RASGEF1B: variants seen among roughly 807,000 people sequenced by gnomAD.
RASGEF1B encodes ras-GEF domain-containing family member 1B.
A neutral mutation model predicts 65.7 loss-of-function variants in RASGEF1B; 30 were observed. That is an observed-to-expected ratio of 0.46 (90% CI 0.34 to 0.62). The LOEUF is 0.62. Ranked by LOEUF, RASGEF1B falls within the 20% of genes least tolerant of loss-of-function variation. The probability of loss-of-function intolerance (pLI) is 0.01; values close to 1 mark genes in which losing one functional copy is unlikely to be tolerated. For missense variants in RASGEF1B, 495 were observed against 580.1 expected, an observed-to-expected ratio of 0.85 and a Z score of 1.51; for synonymous variants, 175 against 194.8, an observed-to-expected ratio of 0.90 and a Z score of 0.85.
chr4:81,434,330 C>T (rs772580513), intron 11 of RASGEF1B, among the ~76,000 whole-genome samples: 3 of 152,136 alleles, frequency 2.0e-5, no homozygotes, highest in Non-Finnish European at 4.4e-5. Context: ...GTATTACAGG[C>T]GTGAGCTACT....
chr4:81,430,911 T>A (rs944239271), intron 13 of RASGEF1B, among the ~76,000 whole-genome samples: 2 of 152,214 alleles, frequency 1.3e-5, no homozygotes, highest in East Asian at 3.8e-4. Context: ...ATATCATTTA[T>A]GTGTAGCCAA....
chr4:81,461,574 A>G (rs1403997592), intron 1 of RASGEF1B, among the ~76,000 whole-genome samples: 1 of 152,218 alleles, frequency 6.6e-6, no homozygotes, highest in Non-Finnish European at 1.5e-5. Flanking sequence ...AAATATTCAA[A>G]GGAACCACAG....
At chr4:81,469,988 A>C (rs954735246) in intron 1 of RASGEF1B, among the ~76,000 whole-genome samples, 1 of 152,208 alleles carries the variant, frequency 6.6e-6, no homozygotes, top group African/African-American at 2.4e-5. Context: ...AAGAATGCCA[A>C]CAAGAAACTT....
chr4:81,446,185 G>A (rs1167342841), intron 6 of RASGEF1B, among the ~76,000 whole-genome samples: 1 of 152,198 alleles, frequency 6.6e-6, no homozygotes, highest in Non-Finnish European at 1.5e-5. Context: ...GATCAGCCTG[G>A]CTAACATGGT....
chr4:81,433,228 T>TAA (rs368117891), intron 12 of RASGEF1B, among the ~76,000 whole-genome samples: 24 of 133,938 alleles, frequency 1.8e-4, no homozygotes, highest in African/African-American at 5.7e-4. Context: ...GTTGCTGTCT[T>TAA]AAAAAAAAAA....
intron 8 of RASGEF1B, among the ~76,000 whole-genome samples, chr4:81,444,546 CCTTT>C (rs1018908451): frequency 3.4e-4 from 52 of 151,992 alleles, no homozygotes; most frequent in African/African-American, 1.1e-3. Context: ...TCTTCTTCTT[CCTTT>C]TTTTTTAGAC....
chr4:81,430,464 T>A (rs1342867744), intron 13 of RASGEF1B, among the ~76,000 whole-genome samples: 1 of 152,154 alleles, frequency 6.6e-6, no homozygotes, highest in African/African-American at 2.4e-5. Flanking sequence ...CACCTATAGA[T>A]GGCAAAATAA....
chr4:81,443,236 C>A lies in RASGEF1B; in HGVS notation c.929-860G>T, dbSNP rs1721905694. 3.9e-5 allele frequency among the ~76,000 whole-genome samples: 6 copies of A among 152,300 alleles called. No individual in the cohort carries two copies. The South Asian group carries it at 1.2e-3, about 32-fold the overall frequency. On this transcript the variant is annotated intron_variant, in intron 8 of 13. Coordinates refer to ENST00000264400, the MANE Select transcript of RASGEF1B (RefSeq NM_152545.3). ...AATGAGTACGTATATTAATTCCATG[C>A]CACCAACATTCATATTTTAAGGACC... is the stretch of plus-strand genomic sequence containing the variant.
At chr4:81,442,461 C>T (rs1721874715) in intron 8 of RASGEF1B, 85 bp from the exon 9 acceptor site, 7 of 765,820 alleles carry the variant, frequency 9.1e-6, no homozygotes, top group South Asian at 6.0e-5. Flanking sequence ...TTCTAAAATA[C>T]TTTCATTACT....
At position 81,457,569 on chromosome 4, in the gene RASGEF1B, T is replaced by C. The variant is rs1341652843; in HGVS notation, c.230A>G (p.Tyr77Cys). The part of the protein sequence containing the change: ...LLSSRLFMHP[Y>C]ELMAKVCHLC... ...GTGGCAAACTTTGGCCATTAGCTCA[T>C]ACGGATGCATAAATAACCGAGAACT... is the stretch of plus-strand genomic sequence containing the variant. The change falls in exon 3 of 14, where the codon TAT (tyrosine) becomes TGT (cysteine). Residue 77 changes from tyrosine (Y) to cysteine (C), a missense_variant. Transcript: ENST00000264400. The C allele has an allele frequency of 2.1e-5, 34 of 1,613,996 alleles. No homozygotes were observed. Among genetic ancestry groups the C allele is most frequent in the Non-Finnish European group, 2.7e-5 (32 of 1,179,990 alleles).
At position 81,445,682 on chromosome 4, in the gene RASGEF1B, T is replaced by C. The variant is rs566711497; in HGVS notation, c.826-54A>G. 5.0e-6 allele frequency: 8 copies of C among 1,586,802 alleles called. No individual in the cohort carries two copies. In the African/African-American group the frequency reaches 6.7e-5, roughly 13 times the overall value. On this transcript the variant is annotated intron_variant, in intron 7 of 13. Coordinates refer to ENST00000264400, the MANE Select transcript of RASGEF1B (RefSeq NM_152545.3). ...TTATCCAGTATGAAGGCCCAACAGT[T>C]CTAAAATAAGTATGAAAAAATAATG...
At chr4:81,429,233 G>A (rs1298838604) in intron 13 of RASGEF1B, among the ~76,000 whole-genome samples, 2 of 152,206 alleles carry the variant, frequency 1.3e-5, no homozygotes, top group Non-Finnish European at 2.9e-5. Flanking sequence ...AGGGACGGGG[G>A]AGGCATTGGA....
intron 1 of RASGEF1B, among the ~76,000 whole-genome samples, chr4:81,461,675 T>G (rs545606508): frequency 6.6e-6 from 1 of 152,318 alleles, no homozygotes; most frequent in East Asian, 1.9e-4. Context: ...TCTAAAGGCC[T>G]GAGGATGAGC....
At chr4:81,440,276 T>C (rs1336861734) in intron 10 of RASGEF1B, among the ~76,000 whole-genome samples, 1 of 152,176 alleles carries the variant, frequency 6.6e-6, no homozygotes, top group Non-Finnish European at 1.5e-5. Context: ...TGCAGGATGG[T>C]ACTAACTTGT....
intron 10 of RASGEF1B, among the ~76,000 whole-genome samples, chr4:81,438,719 C>G (rs1342312707): frequency 2.0e-5 from 3 of 151,402 alleles, no homozygotes; most frequent in African/African-American, 7.3e-5. Context: ...TCTCCCTCCC[C>G]TTGCCCCCCC....
At chr4:81,466,599 AAC>A (rs1722816710) in intron 1 of RASGEF1B, among the ~76,000 whole-genome samples, 1 of 151,744 alleles carries the variant, frequency 6.6e-6, no homozygotes, top group African/African-American at 2.4e-5. Flanking sequence ...CTCTACTAAA[AAC>A]ACAAAAAATT....
At chr4:81,452,980 T>G (rs1430724591) in intron 4 of RASGEF1B, 1 of 146,950 alleles carries the variant, frequency 6.8e-6, no homozygotes, top group Non-Finnish European at 1.5e-5. Flanking sequence ...ACGGCACACC[T>G]GGATTCACTG....
chr4:81,470,484 C>A (rs189969754), intron 1 of RASGEF1B, among the ~76,000 whole-genome samples: 138 of 152,246 alleles, frequency 9.1e-4, no homozygotes, highest in Middle Eastern at 3.4e-3. Context: ...TTCAAGAGTG[C>A]ACCACCCTGA....
chr4:81,465,314 G>C (rs1210793923), intron 1 of RASGEF1B, among the ~76,000 whole-genome samples: 1 of 152,140 alleles, frequency 6.6e-6, no homozygotes, highest in African/African-American at 2.4e-5. Context: ...AATGAAACAG[G>C]CGAAAAGAAA....
Sources: gnomAD v4.1 joint callset for allele counts (sites outside exome capture counted in the v4.1 genomes callset) on GRCh38, gnomAD v4.1.1 for gene constraint, MANE v1.5 for transcripts, NCBI Gene and HGNC (gene_info 2026-07-23, HGNC 2026-07-21) for gene names.